The following GIT2 variants were observed in gnomAD, a reference collection of about 807,000 sequenced individuals.
GIT2 encodes the protein GIT ArfGAP 2, also known as ARF GTPase-activating protein GIT2.
In GIT2, 32 loss-of-function variants were observed where a neutral mutation model predicts 100.3. The ratio of observed to expected loss-of-function variants is 0.32; its 90% CI spans 0.24 to 0.43. The LOEUF (loss-of-function observed/expected upper bound fraction) is 0.43. GIT2 is among the 20% of genes least tolerant of loss of function. The pLI is 1.00. For missense variants in GIT2, 737 were observed against 975.1 expected (o/e 0.76, Z 3.25); for synonymous variants, 353 against 364.1 (o/e 0.97, Z 0.35).
chr12:109,990,436 C>T (rs902622259), intron 2 of GIT2, among the ~76,000 whole-genome samples: 10 of 152,172 alleles, frequency 6.6e-5, no homozygotes, highest in Admixed American at 1.3e-4. Flanking sequence ...TTCACATGAG[C>T]GTGAGCGGTT....
intron 1 of GIT2, among the ~76,000 whole-genome samples, chr12:109,993,594 C>T (rs889710166): frequency 2.1e-4 from 32 of 152,038 alleles, no homozygotes; most frequent in African/African-American, 6.8e-4. Flanking sequence ...TGACAAATCT[C>T]GGGATAGTAA....
chr12:109,962,829 T>C lies in GIT2; in HGVS notation c.817-1144A>G, dbSNP rs185955281. Among the ~76,000 whole-genome samples the C allele has an allele frequency of 4.6e-5, 7 of 152,324 alleles. No homozygotes were observed. The highest frequency in any genetic ancestry group is 8.8e-5 in the Non-Finnish European group (6 of 68,028). ...CACTGGCTGGCCAGAAGGGATTTAA[T>C]GCAGCAATTTAAAATGCTGGCTACA... On this transcript the variant is annotated intron_variant, in intron 9 of 19. Coordinates refer to ENST00000355312, the MANE Select transcript of GIT2 (RefSeq NM_057169.5). The surrounding 1 kb of genome is among the most constrained non-coding windows in gnomAD (Gnocchi z 4.3).
intron 4 of GIT2, among the ~76,000 whole-genome samples, chr12:109,985,535 G>A (rs1222568135): frequency 6.6e-6 from 1 of 152,140 alleles, no homozygotes; most frequent in East Asian, 1.9e-4. Context: ...GGACAACATG[G>A]TGAAACCCCA....
rs1203839977 is a variant in GIT2 at position 109,959,729 on chromosome 12, A to G, written c.1099+118T>C. 3 of 666,738 alleles carry G rather than the reference A, an allele frequency of 4.5e-6. No individual in the cohort carries two copies. In the African/African-American group the frequency reaches 5.5e-5, roughly 12 times the overall value. 41.3% of individuals were successfully genotyped at this position (666,738 alleles called of 1,614,324 possible). ...ACTTAAAGTAAAAAAACAAACAAAA[A>G]ACCAAAAACCTATAGAACTGTCATG... On this transcript the variant is annotated intron_variant, in intron 12 of 19. Transcript: ENST00000355312.
chr12:109,958,924 C>T (rs1880304225), intron 12 of GIT2, among the ~76,000 whole-genome samples: 1 of 152,144 alleles, frequency 6.6e-6, no homozygotes, highest in Non-Finnish European at 1.5e-5. Flanking sequence ...ATGCTCAGAG[C>T]TCTCCTTATA....
chr12:109,980,129 A>C (rs1886014288), intron 7 of GIT2, among the ~76,000 whole-genome samples: 1 of 152,166 alleles, frequency 6.6e-6, no homozygotes, highest in South Asian at 2.1e-4. Flanking sequence ...GCTGGAGTGC[A>C]GTGGCACAAT....
Position 109,930,214 on chromosome 12 carries a change from GA to G in GIT2, c.*2763del, listed in dbSNP as rs527324191. The G allele has an allele frequency of 3.1e-3, 472 of 152,710 alleles. 1 individual carries two copies. The highest frequency in any genetic ancestry group is 5.4e-3 in the Non-Finnish European group (370 of 68,022). 9.5% of individuals were successfully genotyped at this position (152,710 alleles called of 1,614,324 possible). A position where few individuals can be genotyped will look rare whatever the true frequency, so the allele number is the denominator to read the frequency against. ...CAATTCACTGTTCTTTGGCAAATAA[GA>G]ACTATTTGCATTCCAAGGCAGATGA... On this transcript the variant is annotated 3_prime_UTR_variant, in exon 20 of 20. Transcript: ENST00000355312.
At chr12:109,958,342 C>T (rs961442059) in intron 12 of GIT2, among the ~76,000 whole-genome samples, 1 of 151,762 alleles carries the variant, frequency 6.6e-6, no homozygotes. Flanking sequence ...CCCAGGTTCA[C>T]GCAATTCTCC....
chr12:109,941,371 G>C (rs1460740549), intron 16 of GIT2, among the ~76,000 whole-genome samples: 1 of 152,156 alleles, frequency 6.6e-6, no homozygotes, highest in Admixed American at 6.5e-5. Flanking sequence ...TTTTGATCTG[G>C]CTTTATGAAC....
intron 7 of GIT2, among the ~76,000 whole-genome samples, chr12:109,976,123 A>AACAC (rs564971141): frequency 1.8e-4 from 23 of 130,916 alleles, no homozygotes; most frequent in Non-Finnish European, 3.1e-4. Context: ...CACACACACA[A>AACAC]ACACACACAC....
At chr12:109,939,676 A>ATAAAT (rs1874038791) in intron 16 of GIT2, 2 of 135,052 alleles carry the variant, frequency 1.5e-5, no homozygotes, top group Admixed American at 7.7e-5. Flanking sequence ...CATTTAAAAA[A>ATAAAT]TAAATAAAAT....
At chr12:109,997,330 G>C (rs1889587999), upstream of GIT2, 1 of 151,948 alleles carries the variant, frequency 6.6e-6, no homozygotes, top group Non-Finnish European at 1.5e-5. Flanking sequence ...AGTGAGCAGA[G>C]ATCGCGTCAC....
chr12:109,986,689 C>T (rs570769748), intron 4 of GIT2, among the ~76,000 whole-genome samples: 188 of 151,920 alleles, frequency 1.2e-3, no homozygotes, highest in Middle Eastern at 3.4e-3. Flanking sequence ...GGCATGAACC[C>T]GGGAGGCGGA....
chr12:109,955,526 T>G (rs772746021), intron 12 of GIT2, among the ~76,000 whole-genome samples: 4 of 152,232 alleles, frequency 2.6e-5, no homozygotes, highest in Non-Finnish European at 5.9e-5. Flanking sequence ...GTTCTACGTG[T>G]GTTTCTGTTT....
intron 15 of GIT2, 117 bp from the exon 16 acceptor site, chr12:109,945,466 G>A: frequency 3.0e-6 from 2 of 667,440 alleles, no homozygotes; most frequent in African/African-American, 1.8e-5. Context: ...CGTGAGTGCT[G>A]CAATCTCAGT....
At chr12:109,968,896 A>G (rs1356111408) in intron 7 of GIT2, among the ~76,000 whole-genome samples, 1 of 150,948 alleles carries the variant, frequency 6.6e-6, no homozygotes, top group East Asian at 2.0e-4. Context: ...TAATTTTTTT[A>G]TATTTTTAGT....
intron 4 of GIT2, among the ~76,000 whole-genome samples, chr12:109,986,753 A>C (rs993933246): frequency 5.9e-5 from 9 of 152,022 alleles, no homozygotes; most frequent in Non-Finnish European, 1.0e-4. Context: ...CCACAGAGCA[A>C]GACTCCGTCT....
rs1420773428 is a variant in GIT2 at position 109,931,379 on chromosome 12, C to T, written c.*1599G>A. 6.6e-6 allele frequency: 1 copy of T among 152,266 alleles called. No homozygotes were observed. The highest frequency in any genetic ancestry group is 2.4e-5 in the African/African-American group (1 of 41,460). The allele number at this position is 152,266 out of a possible 1,614,324, so 9.4% of individuals were successfully genotyped here. A position where few individuals can be genotyped will look rare whatever the true frequency, so the allele number is the denominator to read the frequency against. ...CCAGGCCCTCACACTGCACAGCTTA[C>T]AGGGCCCTGGGGTGGGGGCTGTGAG... is the stretch of plus-strand genomic sequence containing the variant. On this transcript the variant is annotated 3_prime_UTR_variant, in exon 20 of 20. Transcript: ENST00000355312.
In GIT2 at chr12:109,931,092, C is replaced by G. The variant is rs935618888; in HGVS notation, c.*1886G>C. On this transcript the variant is annotated 3_prime_UTR_variant, in exon 20 of 20. Transcript: ENST00000355312. ...CACGGTGACTTAGTAAAGCAAGCACCGTCGGGGTGCTACTTTCATGACAGC... is the reference window on the plus strand; with the variant it reads ...CACGGTGACTTAGTAAAGCAAGCACGGTCGGGGTGCTACTTTCATGACAGC... 2 of 152,178 alleles carry G rather than the reference C, an allele frequency of 1.3e-5. No homozygotes were observed. The highest frequency in any genetic ancestry group is 4.8e-5 in the African/African-American group (2 of 41,428). The allele number at this position is 152,178 out of a possible 1,614,324, so 9.4% of individuals were successfully genotyped here. A position where few individuals can be genotyped will look rare whatever the true frequency, so the allele number is the denominator to read the frequency against.
Sources: gnomAD v4.1 joint callset for allele counts (sites outside exome capture counted in the v4.1 genomes callset) on GRCh38, gnomAD v4.1.1 for gene constraint, Gnocchi (gnomAD v3.1) non-coding constraint, MANE v1.5 for transcripts, NCBI Gene and HGNC (gene_info 2026-07-23, HGNC 2026-07-21) for gene names.